GNAS-AS1: variants seen among roughly 807,000 people sequenced by gnomAD.
The protein encoded by GNAS-AS1 is GNAS antisense RNA 1 (non-protein coding).
At chr20:58,837,592 G>C (rs74332546) in intron 4 of GNAS-AS1, among the ~76,000 whole-genome samples, 1 of 152,204 alleles carries the variant, frequency 6.6e-6, no homozygotes, top group Non-Finnish European at 1.5e-5. Context: ...ACAAGCGTGC[G>C]TCAACACGCC....
intron 4 of GNAS-AS1, chr20:58,834,568 G>C (rs1184781071): frequency 6.6e-6 from 1 of 152,244 alleles, no homozygotes; most frequent in African/African-American, 2.4e-5. Context: ...GAGACACCAC[G>C]TCCAAGAGGG....
exon 3 of GNAS-AS1, chr20:58,842,541 C>A: frequency 2.5e-6 from 1 of 398,612 alleles, no homozygotes; most frequent in South Asian, 1.3e-4. Flanking sequence ...CTTTTGTGGT[C>A]TTCCCTAGTA....
chr20:58,819,327 C>G, intron 4 of GNAS-AS1: 3 of 398,002 alleles, frequency 7.5e-6, no homozygotes, highest in Non-Finnish European at 1.3e-5. Context: ...AGAAATGAAA[C>G]CAGGCGCACA....
intron 4 of GNAS-AS1, among the ~76,000 whole-genome samples, chr20:58,826,371 C>T (rs1441049806): frequency 2.0e-5 from 3 of 152,166 alleles, no homozygotes; most frequent in Non-Finnish European, 2.9e-5. Context: ...CACTGCCTTT[C>T]ATGCATAAAA....
At chr20:58,825,878 G>A (rs757686807) in intron 4 of GNAS-AS1, 3 of 392,934 alleles carry the variant, frequency 7.6e-6, no homozygotes, top group African/African-American at 2.1e-5. Flanking sequence ...AGGGGAGCAT[G>A]GAAGCCCAGA....
intron 1 of GNAS-AS1, chr20:58,849,031 A>C (rs1252309145): frequency 4.3e-5 from 17 of 395,430 alleles, no homozygotes; most frequent in Non-Finnish European, 4.5e-6. Context: ...ATTTAAATCT[A>C]AGGGTCCTTT....
chr20:58,835,487 G>C (rs1313898474), intron 4 of GNAS-AS1, among the ~76,000 whole-genome samples: 2 of 152,160 alleles, frequency 1.3e-5, no homozygotes, highest in African/African-American at 4.8e-5. Flanking sequence ...ATTCTCATGG[G>C]CTTTTAAAAA....
chr20:58,850,886 C>G (rs577465140), exon 1 of GNAS-AS1: 1 of 398,664 alleles, frequency 2.5e-6, no homozygotes, highest in African/African-American at 2.1e-5. Flanking sequence ...TTCGGGCGTT[C>G]CAACGCGGCG....
chr20:58,842,715 A>G (rs1050801252), intron 2 of GNAS-AS1, among the ~76,000 whole-genome samples: 2 of 152,150 alleles, frequency 1.3e-5, no homozygotes, highest in Admixed American at 6.5e-5. Context: ...GCTTTCTGTG[A>G]CATTAAGTGT....
chr20:58,846,351 AT>A (rs1488363116), intron 2 of GNAS-AS1, among the ~76,000 whole-genome samples: 3 of 152,210 alleles, frequency 2.0e-5, no homozygotes, highest in Admixed American at 6.5e-5. Context: ...TAGGAAGGGC[AT>A]TTTTAAAAGC....
intron 4 of GNAS-AS1, chr20:58,839,361 A>G (rs1461937563): frequency 7.5e-6 from 3 of 399,434 alleles, no homozygotes; most frequent in Non-Finnish European, 1.3e-5. Context: ...TCGTGTATAG[A>G]CAGACCCTCA....
rs142641868 is a variant in GNAS-AS1 at position 58,843,654 on chromosome 20, G to C, written n.414-1109C>G. Among the ~76,000 whole-genome samples the C allele has an allele frequency of 1.7e-3, 261 of 152,346 alleles. 1 individual carries two copies. Among genetic ancestry groups the C allele is most frequent in the Non-Finnish European group, 2.8e-3 (189 of 68,036 alleles). Reference sequence around the variant, plus strand: ...AATATTTCAAATGGAGGGTGAGGGAGGAGGAGGAGCAGGAGAATAAAGCTA... The same window carrying C: ...AATATTTCAAATGGAGGGTGAGGGACGAGGAGGAGCAGGAGAATAAAGCTA... On this transcript the variant is annotated intron_variant and non_coding_transcript_variant, in intron 2 of 4. Transcript: ENST00000424094.
intron 4 of GNAS-AS1, among the ~76,000 whole-genome samples, chr20:58,823,106 T>A (rs2085496695): frequency 6.6e-6 from 1 of 152,152 alleles, no homozygotes; most frequent in African/African-American, 2.4e-5. Context: ...CCTGGCCATA[T>A]CTAGCCACGG....
At position 58,830,737 on chromosome 20, in the gene GNAS-AS1, GCAC is replaced by G. The variant is rs774307234; in HGVS notation, n.819+11197_819+11199del. On this transcript the variant is annotated intron_variant and non_coding_transcript_variant, in intron 4 of 4. Transcript: ENST00000424094. ...CAATGCTACACCACCATCATAACCA[GCAC>G]CATCACCGCCACCAGGCATAGTCAC... 1.1e-4 allele frequency among the ~76,000 whole-genome samples: 17 copies of G among 148,338 alleles called. 1 individual carries two copies. In the South Asian group the frequency reaches 3.5e-3, roughly 31 times the overall value.
Position 58,840,449 on chromosome 20 carries a change from A to ACCGAGTCCGAAATCGAGT in GNAS-AS1, n.819+1470_819+1487dup, listed in dbSNP as rs2085674326. ...GTTCGACTACGAGACCGAGAGCGAGACCGAGTCCGAAATCGAGTCCGAGAC... is the reference window on the plus strand; with the variant it reads ...GTTCGACTACGAGACCGAGAGCGAGACCGAGTCCGAAATCGAGTCCGAGTCCGAAATCGAGTCCGAGAC... On this transcript the variant is annotated intron_variant and non_coding_transcript_variant, in intron 4 of 4. Coordinates refer to ENST00000424094, the Ensembl canonical transcript of GNAS-AS1. The surrounding 1 kb of genome is among the most constrained non-coding windows in gnomAD (Gnocchi z 6.0). 6.2e-7 allele frequency: 1 copy of ACCGAGTCCGAAATCGAGT among 1,613,310 alleles called. No individual in the cohort carries two copies. Among genetic ancestry groups the ACCGAGTCCGAAATCGAGT allele is most frequent in the Non-Finnish European group, 8.5e-7 (1 of 1,179,834 alleles).
At chr20:58,830,333 CCACCATCACCACCA>C (rs1319208659) in intron 4 of GNAS-AS1, among the ~76,000 whole-genome samples, 6 of 128,740 alleles carry the variant, frequency 4.7e-5, no homozygotes, top group African/African-American at 1.9e-4. Flanking sequence ...ATCATCACCA[CCACCATCACCACCA>C]CACCACCATC....
chr20:58,830,490 C>CCAT (rs2085556321), intron 4 of GNAS-AS1, among the ~76,000 whole-genome samples: 2 of 56,676 alleles, frequency 3.5e-5, no homozygotes, highest in Non-Finnish European at 3.9e-5. Flanking sequence ...ACCATCACCA[C>CCAT]CATCACCACC....
chr20:58,850,791 C>T (rs937282779), exon 1 of GNAS-AS1: 12 of 398,694 alleles, frequency 3.0e-5, no homozygotes, highest in Admixed American at 4.4e-5. Flanking sequence ...AGTGACCCCA[C>T]GGCGCTAGCG....
At chr20:58,850,644 A>G in exon 1 of GNAS-AS1, 4 of 399,254 alleles carry the variant, frequency 1.0e-5, no homozygotes, top group Non-Finnish European at 1.8e-5. Context: ...CCAGCCCTGG[A>G]AATCTTCTTG....
Sources: gnomAD v4.1 joint callset for allele counts (sites outside exome capture counted in the v4.1 genomes callset) on GRCh38, gnomAD v4.1.1 for gene constraint, Gnocchi (gnomAD v3.1) non-coding constraint, MANE v1.5 for transcripts, NCBI Gene and HGNC (gene_info 2026-07-23, HGNC 2026-07-21) for gene names.